The following KATNB1 variants were observed in gnomAD, a reference collection of about 807,000 sequenced individuals.
The protein encoded by KATNB1 is katanin regulatory subunit B1, also known as katanin p80 WD40 repeat-containing subunit B1.
In KATNB1, 38 loss-of-function variants were observed where a neutral mutation model predicts 82.3. The observed-to-expected ratio is 0.46, with a 90% CI of 0.36 to 0.61. The LOEUF is 0.61. KATNB1 is among the 20% of genes least tolerant of loss of function. The pLI is 0.00. For missense variants in KATNB1, 749 were observed against 915.7 expected (o/e 0.82, Z 2.35); for synonymous variants, 361 against 368.7 (o/e 0.98, Z 0.24).
In KATNB1 at chr16:57,756,440, C is replaced by T; in HGVS notation, c.1803C>T (p.Pro601=). 6.2e-7 allele frequency: 1 copy of T among 1,613,820 alleles called. No homozygotes were observed. Among genetic ancestry groups the T allele is most frequent in the Non-Finnish European group, 8.5e-7 (1 of 1,180,020 alleles). Residue 601 remains proline (P), a synonymous_variant, in exon 19 of 20, where the codon CCC becomes CCT. Transcript: ENST00000379661. Reference sequence around the variant, plus strand: ...TCACAGACATGCTGGCGGCCCCACCCTCTGTGGGTGTGGATATCAGCAGGG... The same window carrying T: ...TCACAGACATGCTGGCGGCCCCACCTTCTGTGGGTGTGGATATCAGCAGGG... The part of the protein sequence containing the change: ...PLITDMLAAP[P]SVGVDISREE...
rs782579971 is a variant in KATNB1, at chr16:57,752,595, C to A, written c.698C>A (p.Pro233His). The A allele has an allele frequency of 6.4e-7, 1 of 1,565,958 alleles. No homozygotes were observed. Among genetic ancestry groups the A allele is most frequent in the East Asian group, 2.3e-5 (1 of 42,924 alleles). Residue 233 changes from proline (P) to histidine (H), a missense_variant, in exon 9 of 20, where the codon CCC becomes CAC. Pro to His is a moderately conservative substitution (Grantham distance 77). This residue lies in a region of KATNB1 where 247 missense variants were observed against 349.4 expected (regional missense o/e 0.71). Transcript: ENST00000379661. Reference protein sequence around the residue: ...VVSCIEGEPGPVRSVLFNPDG... With the variant: ...VVSCIEGEPGHVRSVLFNPDG... ...AGCTGCATCGAAGGGGAGCCTGGGC[C>A]CGTCAGGTACGCAGGCTGTGGGGTG... is the stretch of plus-strand genomic sequence containing the variant.
Position 57,752,074 on chromosome 16 carries a change from G to A in KATNB1, c.632+19G>A, listed in dbSNP as rs1410993470. 3 of 1,539,628 alleles carry A rather than the reference G, an allele frequency of 1.9e-6. No individual in the cohort carries two copies. The African/African-American group carries it at 4.1e-5, about 21-fold the overall frequency. ...CTGACAGGTGAGGAGGAGGAGCGAG[G>A]CGAGTTGCTTGTGACTGCTGTCCTT... On this transcript the variant is annotated intron_variant, in intron 8 of 19. Coordinates refer to ENST00000379661, the MANE Select transcript of KATNB1 (RefSeq NM_005886.3).
rs1555582991 is a variant in KATNB1, at chr16:57,751,231, T to C, written c.391-30T>C. The stretch of plus-strand genomic sequence containing the variant: ...AGTCGTGGCTCTGACCTCTCCTGAC[T>C]CTGCCCCTCTGCTTCTCTCTCCCCC... On this transcript the variant is annotated intron_variant, in intron 5 of 19. Transcript: ENST00000379661. The surrounding 1 kb of genome is among the most constrained non-coding windows in gnomAD (Gnocchi z 6.3). The C allele has an allele frequency of 6.2e-7, 1 of 1,611,698 alleles. No homozygotes were observed. The highest frequency in any genetic ancestry group is 8.5e-7 in the Non-Finnish European group (1 of 1,177,894).
chr16:57,752,729 G>T, intron 9 of KATNB1, 49 bp from the exon 10 acceptor site: 1 of 1,591,130 alleles, frequency 6.3e-7, no homozygotes, highest in South Asian at 1.1e-5. Flanking sequence ...TCGGGGTGGG[G>T]ACCAGGCTGG....
Position 57,751,759 on chromosome 16 carries a change from G to A in KATNB1, c.516+35G>A, listed in dbSNP as rs781922500. Reference sequence around the variant, plus strand: ...GGCCTGACCTGGGCCCAGGGGCTGGGGGCTGGGGTCTGCTGATCACAGCAG... The same window carrying A: ...GGCCTGACCTGGGCCCAGGGGCTGGAGGCTGGGGTCTGCTGATCACAGCAG... On this transcript the variant is annotated intron_variant, in intron 7 of 19. Transcript: ENST00000379661. This position sits in a 1 kb window ranked among gnomAD's most constrained non-coding sequence, Gnocchi z 6.3. 2 of 1,595,450 alleles carry A rather than the reference G, an allele frequency of 1.3e-6. No individual in the cohort carries two copies.
chr16:57,747,305 G>C (rs1222873925), intron 4 of KATNB1, among the ~76,000 whole-genome samples: 1 of 152,238 alleles, frequency 6.6e-6, no homozygotes, highest in Admixed American at 6.5e-5. Context: ...TTCCAGAAGA[G>C]AGCCCCTCTG....
intron 16 of KATNB1, 152 bp downstream of exon 16, chr16:57,755,646 T>C: frequency 9.2e-7 from 1 of 1,091,852 alleles, no homozygotes; most frequent in South Asian, 1.6e-5. Context: ...TCCGCCATCA[T>C]CATCATCATC....
chr16:57,742,528 C>T (rs1218522810), intron 3 of KATNB1, among the ~76,000 whole-genome samples: 1 of 152,248 alleles, frequency 6.6e-6, no homozygotes, highest in African/African-American at 2.4e-5. Flanking sequence ...TGTATACACA[C>T]AAATACTCAT....
At chr16:57,749,009 T>G (rs1162681516) in intron 4 of KATNB1, among the ~76,000 whole-genome samples, 1 of 151,820 alleles carries the variant, frequency 6.6e-6, no homozygotes, top group Non-Finnish European at 1.5e-5. Flanking sequence ...GAGCAAGGAG[T>G]GACAGCTGCA....
At chr16:57,738,380 C>CGAGTG (rs1170005173) in intron 2 of KATNB1, among the ~76,000 whole-genome samples, 1 of 152,044 alleles carries the variant, frequency 6.6e-6, no homozygotes, top group Non-Finnish European at 1.5e-5. Context: ...CTCAGCCTCC[C>CGAGTG]GAGTAGCTGG....
rs782007704 is a variant in KATNB1, at chr16:57,753,952, G to A, written c.1185G>A (p.Thr395=). The A allele has an allele frequency of 1.1e-5, 18 of 1,613,288 alleles. No homozygotes were observed. Among genetic ancestry groups the A allele is most frequent in the Admixed American group, 1.7e-5 (1 of 59,958 alleles). The part of the protein sequence containing the change: ...IFQPKNSISR[T]PPRRSEPFPA... ...GGCCTCTTTCCTCTGCAGGTCGGAC[G>A]CCACCCCGGAGAAGTGAGCCCTTCC... Residue 395 remains threonine, a synonymous_variant, in exon 13 of 20, where the codon ACG becomes ACA. Coordinates refer to ENST00000379661, the MANE Select transcript of KATNB1 (RefSeq NM_005886.3).
Position 57,737,170 on chromosome 16 carries a change from G to A in KATNB1, c.-74G>A, listed in dbSNP as rs1044359808. 2 of 1,568,506 alleles carry A rather than the reference G, an allele frequency of 1.3e-6. No homozygotes were observed. Among genetic ancestry groups the A allele is most frequent in the African/African-American group, 1.4e-5 (1 of 73,876 alleles). ...CAACTTGATTGGTGGATCTGGGGGGGGATCCACCCCCACCCCACGAGGAAA... is the reference window on the plus strand; with the variant it reads ...CAACTTGATTGGTGGATCTGGGGGGAGATCCACCCCCACCCCACGAGGAAA... On this transcript the variant is annotated 5_prime_UTR_variant, in exon 2 of 20. Transcript: ENST00000379661.
intron 4 of KATNB1, among the ~76,000 whole-genome samples, chr16:57,745,662 G>T (rs990810536): frequency 6.6e-6 from 1 of 151,992 alleles, no homozygotes; most frequent in African/African-American, 2.4e-5. Context: ...CCCATGGCTC[G>T]TGTTTCTCCT....
intron 2 of KATNB1, among the ~76,000 whole-genome samples, chr16:57,739,309 T>C (rs565476252): frequency 6.6e-6 from 1 of 152,366 alleles, no homozygotes; most frequent in South Asian, 2.1e-4. Context: ...CTCTGGCTCC[T>C]TGTGGCTCCA....
Position 57,751,921 on chromosome 16 carries a change from C to T in KATNB1, c.517-19C>T. 6.3e-7 allele frequency: 1 copy of T among 1,594,828 alleles called. No individual in the cohort carries two copies. Among genetic ancestry groups the T allele is most frequent in the Non-Finnish European group, 8.6e-7 (1 of 1,163,506 alleles). ...CAAGATGCCTGGTCACCCTGACCTC[C>T]TCCCTGCCCTGCCTCCAGCTCTGGG... On this transcript the variant is annotated intron_variant, in intron 7 of 19. Transcript: ENST00000379661. This position sits in a 1 kb window ranked among gnomAD's most constrained non-coding sequence, Gnocchi z 6.3.
At chr16:57,754,034 C>T (rs782329935) in intron 13 of KATNB1, 39 bp downstream of exon 13, 10 of 1,437,024 alleles carry the variant, frequency 7.0e-6, no homozygotes, top group Non-Finnish European at 9.4e-6. Flanking sequence ...GTCTCTGATG[C>T]CCCCCCGTCC....
chr16:57,756,399 C>T lies in KATNB1; in HGVS notation c.1762C>T (p.Arg588Trp). 6.2e-7 allele frequency: 1 copy of T among 1,614,044 alleles called. No individual in the cohort carries two copies. Among genetic ancestry groups the T allele is most frequent in the Non-Finnish European group, 8.5e-7 (1 of 1,180,020 alleles). ...GCTSLKLILQ[R>W]FLPLITDMLA... ...CACCTCCCTGAAGCTGATCCTGCAGCGGTTTCTGCCCCTCATCACAGACAT... is the reference window on the plus strand; with the variant it reads ...CACCTCCCTGAAGCTGATCCTGCAGTGGTTTCTGCCCCTCATCACAGACAT... Residue 588 changes from arginine to tryptophan, a missense_variant, in exon 19 of 20, where the codon CGG becomes TGG. Physicochemically the swap from Arg to Trp is moderately radical, Grantham distance 101. Transcript: ENST00000379661.
At position 57,751,712 on chromosome 16, in the gene KATNB1, C is replaced by A; in HGVS notation, c.504C>A (p.Asp168Glu). The change falls in exon 7 of 20, where the codon GAC becomes GAA. Residue 168 changes from aspartate to glutamate, a missense_variant. Transcript: ENST00000379661. This position sits in a 1 kb window ranked among gnomAD's most constrained non-coding sequence, Gnocchi z 6.3. ...AGTGGTTGGCGTCGGCCGCAGATGA[C>A]CACACCGTGAAGGTAGCTCCCGGCC... ...DGKWLASAADDHTVKLWDLTA... is the reference protein window; with the variant it reads ...DGKWLASAADEHTVKLWDLTA... The A allele has an allele frequency of 6.2e-7, 1 of 1,610,136 alleles. No individual in the cohort carries two copies. Among genetic ancestry groups the A allele is most frequent in the Non-Finnish European group, 8.5e-7 (1 of 1,179,968 alleles).
rs146799975 is a variant in KATNB1 at position 57,754,947 on chromosome 16, G to C, written c.1246G>C (p.Glu416Gln). ...GCCTCCAGACGCAGCCACAGCAAAG[G>C]AGGCAGCAAAGCCCAGCCCTGCCAT... ...PPEDDAATAK[E>Q]AAKPSPAMDV... The change falls in exon 14 of 20, where the codon GAG (glutamate) becomes CAG (glutamine). Residue 416 changes from glutamate to glutamine, a missense_variant. By Grantham distance (29) the Glu-to-Gln change is conservative (BLOSUM62 2). This residue lies in a region of KATNB1 where 407 missense variants were observed against 434.7 expected (regional missense o/e 0.94). Transcript: ENST00000379661. The C allele has an allele frequency of 7.4e-6, 12 of 1,613,972 alleles. No individual in the cohort carries two copies. The highest frequency in any genetic ancestry group is 8.5e-6 in the Non-Finnish European group (10 of 1,180,042).
Sources: gnomAD v4.1 joint callset for allele counts (sites outside exome capture counted in the v4.1 genomes callset) on GRCh38, gnomAD v4.1.1 for gene constraint, gnomAD v4.1.1 regional missense constraint, Gnocchi (gnomAD v3.1) non-coding constraint, MANE v1.5 for transcripts, NCBI Gene and HGNC (gene_info 2026-07-23, HGNC 2026-07-21) for gene names.